ARHGDIB: variants seen among roughly 807,000 people sequenced by gnomAD.
ARHGDIB encodes Rho GDP dissociation inhibitor beta, also known as rho GDP-dissociation inhibitor 2.
Under a neutral mutation model 22.6 loss-of-function variants are expected in ARHGDIB, and 20 were observed. The observed-to-expected ratio is 0.88, with a 90% confidence interval of 0.62 to 1.28. The LOEUF is 1.28. Among genes scored for constraint, ARHGDIB ranks in the 50% most tolerant of loss-of-function variants. The probability of loss-of-function intolerance (pLI) is 0.00; values close to 1 mark genes in which losing one functional copy is unlikely to be tolerated. For synonymous variants in ARHGDIB, 114 were observed against 96.1 expected (o/e 1.19, Z -1.09); for missense variants, 254 against 245.4 (o/e 1.04, Z -0.23).
chr12:14,943,398 G>GT (rs1863926085), intron 5 of ARHGDIB, among the ~76,000 whole-genome samples: 1 of 69,060 alleles, frequency 1.4e-5, no homozygotes. Flanking sequence ...TTTTGTTGTT[G>GT]TTGTTGTTTT....
chr12:14,947,833 G>T (rs762163195), intron 4 of ARHGDIB, 40 bp downstream of exon 4: 19 of 1,484,582 alleles, frequency 1.3e-5, no homozygotes, highest in Non-Finnish European at 1.7e-5. Context: ...TTAAAGAAAA[G>T]ATTTAAACTT....
chr12:14,960,154 C>T (rs1273933314), intron 1 of ARHGDIB, among the ~76,000 whole-genome samples: 1 of 152,064 alleles, frequency 6.6e-6, no homozygotes, highest in Admixed American at 6.5e-5. Context: ...TGACCATGAG[C>T]CCTCCGGGTG....
chr12:14,961,051 C>T (rs1864401256), intron 1 of ARHGDIB: 1 of 151,174 alleles, frequency 6.6e-6, no homozygotes, highest in African/African-American at 2.5e-5. Context: ...CAGCTTTGAA[C>T]CATTTTTTTT....
intron 4 of ARHGDIB, among the ~76,000 whole-genome samples, chr12:14,946,873 C>T (rs1374763003): frequency 6.6e-6 from 1 of 152,186 alleles, no homozygotes; most frequent in Non-Finnish European, 1.5e-5. Context: ...CTTACCAAAC[C>T]TTCAGGTGCT....
chr12:14,956,891 A>G (rs1864311467), intron 1 of ARHGDIB, among the ~76,000 whole-genome samples: 1 of 152,266 alleles, frequency 6.6e-6, no homozygotes, highest in Non-Finnish European at 1.5e-5. Flanking sequence ...CATATGACAT[A>G]GCACACATCA....
intron 1 of ARHGDIB, among the ~76,000 whole-genome samples, chr12:14,958,024 T>A (rs954292675): frequency 6.6e-6 from 1 of 152,236 alleles, no homozygotes; most frequent in Non-Finnish European, 1.5e-5. Context: ...GACTAGGATA[T>A]GTCTGACTTC....
At chr12:14,957,438 T>C (rs1864325622) in intron 1 of ARHGDIB, among the ~76,000 whole-genome samples, 1 of 152,236 alleles carries the variant, frequency 6.6e-6, no homozygotes, top group Non-Finnish European at 1.5e-5. Context: ...TCCCCACTCC[T>C]TCCTCCTTAA....
At chr12:14,946,099 T>A (rs1864007449) in intron 4 of ARHGDIB, among the ~76,000 whole-genome samples, 1 of 152,168 alleles carries the variant, frequency 6.6e-6, no homozygotes, top group Admixed American at 6.5e-5. Context: ...TATAAATACA[T>A]TTGGGGTGGG....
At chr12:14,948,599 C>T (rs1355885488) in intron 3 of ARHGDIB, among the ~76,000 whole-genome samples, 1 of 152,182 alleles carries the variant, frequency 6.6e-6, no homozygotes, top group African/African-American at 2.4e-5. Context: ...AATTCCTGTA[C>T]CCTGATTAAG....
At chr12:14,960,385 G>T (rs1246035823) in intron 1 of ARHGDIB, among the ~76,000 whole-genome samples, 1 of 152,188 alleles carries the variant, frequency 6.6e-6, no homozygotes, top group South Asian at 2.1e-4. Flanking sequence ...AAGGCCCACT[G>T]ATCAGCTGTC....
intron 1 of ARHGDIB, among the ~76,000 whole-genome samples, chr12:14,958,267 C>T (rs1366107667): frequency 1.3e-5 from 2 of 152,146 alleles, no homozygotes; most frequent in Non-Finnish European, 2.9e-5. Flanking sequence ...AATCCATACT[C>T]CCCACTTTGC....
At position 14,953,714 on chromosome 12, in the gene ARHGDIB, T is replaced by C. The variant is rs1344864723; in HGVS notation, c.-12-2990A>G. 3.9e-5 allele frequency among the ~76,000 whole-genome samples: 6 copies of C among 152,150 alleles called. No individual in the cohort carries two copies. In the East Asian group the frequency reaches 1.2e-3, roughly 29 times the overall value. ...ACCCCTGAAGTCCTTTATAGACTTA[T>C]TTGGGTTCAAGATCTCCAGATTAGG... On this transcript the variant is annotated intron_variant, in intron 1 of 5. Transcript: ENST00000228945.
intron 1 of ARHGDIB, among the ~76,000 whole-genome samples, chr12:14,953,644 A>C (rs923844376): frequency 6.6e-5 from 10 of 150,638 alleles, no homozygotes; most frequent in Admixed American, 2.7e-4. Context: ...GAAAAAAAAA[A>C]CAGATAAACC....
At position 14,942,515 on chromosome 12, in the gene ARHGDIB, G is replaced by A. The variant is rs1863888215; in HGVS notation, c.*7C>T. 6.2e-6 allele frequency: 10 copies of A among 1,613,924 alleles called. No homozygotes were observed. Among genetic ancestry groups the A allele is most frequent in the Non-Finnish European group, 8.5e-6 (10 of 1,179,976 alleles). ...GGTGGCAAGGGTGGGGAAAGGGGTG[G>A]ATGCATTCATTCTGTCCACTCCTTC... On this transcript the variant is annotated 3_prime_UTR_variant, in exon 6 of 6. Transcript: ENST00000228945.
rs137979365 is a variant in ARHGDIB, at chr12:14,947,033, A to ACC, written c.342+839_342+840insGG. Among the ~76,000 whole-genome samples, 682 of 152,326 alleles carry ACC rather than the reference A, an allele frequency of 4.5e-3. 3 individuals carry two copies. The highest frequency in any genetic ancestry group is 0.016 in the African/African-American group (654 of 41,574). ...AGGTCATCCATAAACCCTGAATCAT[A>ACC]TCCTGTACCTTGGGGAAAAAAGTTC... On this transcript the variant is annotated intron_variant, in intron 4 of 5. Transcript: ENST00000228945.
intron 4 of ARHGDIB, among the ~76,000 whole-genome samples, chr12:14,946,275 G>C (rs1373567562): frequency 6.6e-6 from 1 of 152,168 alleles, no homozygotes; most frequent in Non-Finnish European, 1.5e-5. Flanking sequence ...AAAAAGTTGG[G>C]AAGAACCTAA....
At chr12:14,951,213 C>T (rs117671741) in intron 1 of ARHGDIB, 4,829 of 153,408 alleles carry the variant, frequency 0.031, 108 homozygotes, top group Non-Finnish European at 0.048. Context: ...TGGTTGGCTC[C>T]TCCCCATCAA....
At position 14,948,100 on chromosome 12, in the gene ARHGDIB, G is replaced by GCGCACA. The variant is rs71926892; in HGVS notation, c.266-152_266-151insTGTGCG. ...CACAGAGTATTTGAGTTTAGTCCTT[G>GCGCACA]CACACACACACACACACACACACAC... On this transcript the variant is annotated intron_variant, in intron 3 of 5. Coordinates refer to ENST00000228945, the MANE Select transcript of ARHGDIB (RefSeq NM_001175.7). 91 of 437,422 alleles carry GCGCACA rather than the reference G, an allele frequency of 2.1e-4. 1 individual carries two copies. The highest frequency in any genetic ancestry group is 3.2e-4 in the Non-Finnish European group (75 of 237,086). 27.1% of individuals were successfully genotyped at this position (437,422 alleles called of 1,614,324 possible). A position where few individuals can be genotyped will look rare whatever the true frequency, so the allele number is the denominator to read the frequency against.
chr12:14,958,697 TAGAC>T (rs1420479814), intron 1 of ARHGDIB, among the ~76,000 whole-genome samples: 1 of 152,250 alleles, frequency 6.6e-6, no homozygotes, highest in African/African-American at 2.4e-5. Flanking sequence ...CATGAAAAGT[TAGAC>T]AGAATTGAGA....
Sources: allele counts gnomAD v4.1 joint callset (sites outside exome capture counted in the v4.1 genomes callset), GRCh38; gene constraint gnomAD v4.1.1; transcripts MANE v1.5; gene names NCBI Gene and HGNC (gene_info 2026-07-23, HGNC 2026-07-21).